MSRA: variants seen among roughly 807,000 people sequenced by gnomAD.
The protein encoded by MSRA is methionine sulfoxide reductase A.
A neutral mutation model predicts 31.3 loss-of-function variants in MSRA; 54 were observed. That is an observed-to-expected ratio of 1.73 (90% CI 1.39 to 2.17). MSRA has a LOEUF of 2.17. Among genes scored for constraint, MSRA ranks in the 30% most tolerant of loss-of-function variants. The pLI, the probability that MSRA is intolerant of heterozygous loss-of-function variation, is 0.00. For synonymous variants in MSRA, 169 were observed against 116.5 expected, an observed-to-expected ratio of 1.45 and a Z score of -2.90; for missense variants, 507 against 300.9, an observed-to-expected ratio of 1.69 and a Z score of -5.07.
At chr8:10,199,661 C>T (rs1390886383) in intron 1 of MSRA, among the ~76,000 whole-genome samples, 2 of 152,108 alleles carry the variant, frequency 1.3e-5, no homozygotes, top group African/African-American at 4.8e-5. Context: ...TGGGCTTGTG[C>T]ACTGAGCAGA....
intron 1 of MSRA, among the ~76,000 whole-genome samples, chr8:10,174,945 A>T (rs1401422466): frequency 6.6e-6 from 1 of 152,088 alleles, no homozygotes; most frequent in African/African-American, 2.4e-5. Context: ...AGCCTTGCCG[A>T]TCTTGCCCCT....
chr8:10,162,554 G>A (rs959160840), intron 1 of MSRA, among the ~76,000 whole-genome samples: 9 of 152,142 alleles, frequency 5.9e-5, no homozygotes, highest in Admixed American at 2.6e-4. Context: ...GAGGACTGGC[G>A]GCCGTCAGTG....
At chr8:10,179,821 C>T (rs983272212) in intron 1 of MSRA, among the ~76,000 whole-genome samples, 1 of 152,164 alleles carries the variant, frequency 6.6e-6, no homozygotes, top group Non-Finnish European at 1.5e-5. Context: ...GGGCCTGATA[C>T]CTTCCGATGC....
At chr8:10,284,248 G>T (rs1218825835) in intron 3 of MSRA, among the ~76,000 whole-genome samples, 1 of 152,056 alleles carries the variant, frequency 6.6e-6, no homozygotes, top group South Asian at 2.1e-4. Flanking sequence ...GAGTGCAATG[G>T]CACAATCTCG....
intron 3 of MSRA, among the ~76,000 whole-genome samples, chr8:10,287,136 A>G (rs1799979228): frequency 6.6e-6 from 1 of 152,192 alleles, no homozygotes; most frequent in South Asian, 2.1e-4. Context: ...AGTCAAGGCT[A>G]AAAGATTCCC....
At chr8:10,318,244 C>G (rs1331992174) in intron 4 of MSRA, among the ~76,000 whole-genome samples, 1 of 152,194 alleles carries the variant, frequency 6.6e-6, no homozygotes, top group African/African-American at 2.4e-5. Context: ...CACTGAATGT[C>G]TCTGATCCAT....
intron 2 of MSRA, among the ~76,000 whole-genome samples, chr8:10,228,552 C>A (rs576362807): frequency 6.6e-6 from 1 of 152,194 alleles, no homozygotes; most frequent in Non-Finnish European, 1.5e-5. Flanking sequence ...TGTGTCTGCA[C>A]GGGGAGGCTG....
chr8:10,414,559 C>G (rs942183681), intron 5 of MSRA, among the ~76,000 whole-genome samples: 1 of 152,234 alleles, frequency 6.6e-6, no homozygotes, highest in East Asian at 1.9e-4. Context: ...ACTATTCTTT[C>G]TAGTGGCTCT....
chr8:10,368,377 C>T (rs1167968251), intron 5 of MSRA, among the ~76,000 whole-genome samples: 1 of 152,230 alleles, frequency 6.6e-6, no homozygotes, highest in Non-Finnish European at 1.5e-5. Flanking sequence ...TGGAGTGCAG[C>T]ACTATCATTT....
intron 1 of MSRA, among the ~76,000 whole-genome samples, chr8:10,089,824 C>A (rs150651715): frequency 6.6e-6 from 1 of 152,288 alleles, no homozygotes; most frequent in Non-Finnish European, 1.5e-5. Flanking sequence ...TCTCAGGGAA[C>A]GAATCTATTC....
intron 3 of MSRA, among the ~76,000 whole-genome samples, chr8:10,276,552 A>G (rs1799332054): frequency 6.6e-6 from 1 of 152,190 alleles, no homozygotes; most frequent in Admixed American, 6.5e-5. Context: ...GAAGCCTTTG[A>G]CTTGCTCTGG....
chr8:10,194,411 C>CA (rs1563204010), intron 1 of MSRA, among the ~76,000 whole-genome samples: 1 of 152,088 alleles, frequency 6.6e-6, no homozygotes, highest in African/African-American at 2.4e-5. Context: ...ACTAAAAGTA[C>CA]AAAAACTAGC....
intron 1 of MSRA, among the ~76,000 whole-genome samples, chr8:10,080,567 G>A (rs1798241387): frequency 6.6e-6 from 1 of 152,048 alleles, no homozygotes; most frequent in Non-Finnish European, 1.5e-5. Context: ...ACTCTGGAGT[G>A]GAGGCTAGAG....
intron 1 of MSRA, among the ~76,000 whole-genome samples, chr8:10,073,545 A>G (rs1041329006): frequency 7.4e-6 from 1 of 134,358 alleles, no homozygotes; most frequent in African/African-American, 2.6e-5. Flanking sequence ...TTTCTTTTGA[A>G]TTGTCCTTTT....
At chr8:10,264,152 A>G (rs1477407062) in intron 3 of MSRA, among the ~76,000 whole-genome samples, 1 of 152,224 alleles carries the variant, frequency 6.6e-6, no homozygotes, top group Non-Finnish European at 1.5e-5. Context: ...CTGTTCTTGT[A>G]GAAGCCAGTC....
chr8:10,219,675 G>A (rs1262248270), intron 2 of MSRA, among the ~76,000 whole-genome samples: 1 of 151,492 alleles, frequency 6.6e-6, no homozygotes, highest in Non-Finnish European at 1.5e-5. Context: ...GCGTGGCGGC[G>A]GACGCCTGTA....
At chr8:10,069,077 G>C (rs578002692) in intron 1 of MSRA, among the ~76,000 whole-genome samples, 1 of 152,096 alleles carries the variant, frequency 6.6e-6, no homozygotes, top group African/African-American at 2.4e-5. Flanking sequence ...CCAGTTGTTC[G>C]TTGCTGGTAT....
intron 1 of MSRA, among the ~76,000 whole-genome samples, chr8:10,086,193 C>T (rs1028164197): frequency 6.6e-6 from 1 of 152,210 alleles, no homozygotes; most frequent in Non-Finnish European, 1.5e-5. Flanking sequence ...CTTGCCAACA[C>T]TTGATATTGT....
At chr8:10,357,864 T>C (rs576564803) in intron 5 of MSRA, among the ~76,000 whole-genome samples, 38 of 152,374 alleles carry the variant, frequency 2.5e-4, no homozygotes, top group Admixed American at 1.8e-3. Context: ...CAGAACTGTA[T>C]AGTTTTCACT....
Sources: allele counts gnomAD v4.1 joint callset (sites outside exome capture counted in the v4.1 genomes callset), GRCh38; gene constraint gnomAD v4.1.1; transcripts MANE v1.5; gene names NCBI Gene and HGNC (gene_info 2026-07-23, HGNC 2026-07-21).